Variants in ADAM10 observed in about 807,000 individuals in gnomAD.
ADAM10 encodes the protein ADAM metallopeptidase domain 10.
In ADAM10, 17 loss-of-function variants were observed where a neutral mutation model predicts 90.1. The ratio of observed to expected loss-of-function variants is 0.19; its 90% confidence interval spans 0.13 to 0.28. The LOEUF (loss-of-function observed/expected upper bound fraction) is 0.28, where lower values mean the gene tolerates loss of function less well. Among genes scored for constraint, ADAM10 ranks in the 10% least tolerant of loss-of-function variants. The pLI is 1.00. For synonymous variants in ADAM10, 310 were observed against 298.6 expected, an observed-to-expected ratio of 1.04 and a Z score of -0.40; for missense variants, 610 against 914.3, an observed-to-expected ratio of 0.67 and a Z score of 4.29.
chr15:58,701,014 C>CAAAAAAAAA (rs1257060994), intron 2 of ADAM10, among the ~76,000 whole-genome samples: 4 of 44,922 alleles, frequency 8.9e-5, no homozygotes, highest in Non-Finnish European at 2.4e-4. Flanking sequence ...TAAAAAAAAA[C>CAAAAAAAAA]AAAAAAACAA....
At chr15:58,638,950 A>C (rs1282489882) in intron 8 of ADAM10, among the ~76,000 whole-genome samples, 4 of 152,236 alleles carry the variant, frequency 2.6e-5, no homozygotes, top group Non-Finnish European at 5.9e-5. Flanking sequence ...CTTACTTTTT[A>C]CAACAAAATG....
chr15:58,743,200 G>A (rs1489827734), intron 1 of ADAM10, among the ~76,000 whole-genome samples: 3 of 151,910 alleles, frequency 2.0e-5, no homozygotes, highest in Admixed American at 6.6e-5. Flanking sequence ...CTTCGGTGGC[G>A]GGGGGCGGGG....
chr15:58,619,770 G>A (rs984385427), intron 11 of ADAM10, among the ~76,000 whole-genome samples: 1 of 152,192 alleles, frequency 6.6e-6, no homozygotes, highest in East Asian at 1.9e-4. Flanking sequence ...CAGGCGTGGT[G>A]GCGGGCGCCT....
intron 2 of ADAM10, among the ~76,000 whole-genome samples, chr15:58,691,923 G>A (rs1195898829): frequency 2.6e-5 from 4 of 151,876 alleles, no homozygotes; most frequent in African/African-American, 9.7e-5. Flanking sequence ...TGATCTGCCC[G>A]CCTCAGCCTC....
In ADAM10 at chr15:58,749,689, C is replaced by T. The variant is rs1899919095; in HGVS notation, c.-155G>A. On this transcript the variant is annotated 5_prime_UTR_variant, in exon 1 of 16. Coordinates refer to ENST00000260408, the MANE Select transcript of ADAM10 (RefSeq NM_001110.4). ...ACGGCGAAGCACCTCCCTCTCGCTC[C>T]ACTTCAGGGGCCGGCAACGCTCCTA... The T allele has an allele frequency of 1.4e-6, 2 of 1,442,646 alleles. No homozygotes were observed. Among genetic ancestry groups the T allele is most frequent in the African/African-American group, 1.4e-5 (1 of 69,078 alleles). The allele number at this position is 1,442,646 out of a possible 1,614,324, so 89.4% of individuals were successfully genotyped here.
rs1894858076 is a variant in ADAM10, at chr15:58,593,026, AGAG to A, written c.*4518_*4520del. 1 of 150,554 alleles carries A rather than the reference AGAG, an allele frequency of 6.6e-6. No individual in the cohort carries two copies. The highest frequency in any genetic ancestry group is 2.1e-4 in the South Asian group (1 of 4,818). 9.3% of individuals were successfully genotyped at this position (150,554 alleles called of 1,614,324 possible). A position where few individuals can be genotyped will look rare whatever the true frequency, so the allele number is the denominator to read the frequency against. On this transcript the variant is annotated 3_prime_UTR_variant, in exon 16 of 16. Coordinates refer to ENST00000260408, the MANE Select transcript of ADAM10 (RefSeq NM_001110.4). Reference sequence around the variant, plus strand: ...AAAACATACATCCACAGAAATATTTAGAGTAGTTAATGTGATATACATTATCAA... The same window carrying A: ...AAAACATACATCCACAGAAATATTTATAGTTAATGTGATATACATTATCAA...
chr15:58,728,955 G>C (rs1306844510), intron 1 of ADAM10, among the ~76,000 whole-genome samples: 3 of 152,126 alleles, frequency 2.0e-5, no homozygotes, highest in Non-Finnish European at 4.4e-5. Flanking sequence ...AAGAACATTG[G>C]GGGAAACCAA....
intron 2 of ADAM10, among the ~76,000 whole-genome samples, chr15:58,701,371 A>G (rs1243305586): frequency 6.6e-6 from 1 of 152,230 alleles, no homozygotes; most frequent in Admixed American, 6.5e-5. Flanking sequence ...GAAATGGCCA[A>G]AAGGTATAAA....
At chr15:58,628,004 G>C (rs1410183015) in intron 9 of ADAM10, 121 bp from the exon 10 acceptor site, 2 of 988,916 alleles carry the variant, frequency 2.0e-6, no homozygotes, top group South Asian at 1.5e-5. Context: ...CCTTTAAAAA[G>C]GATCTTACAA....
At chr15:58,640,473 T>C (rs1896387603) in intron 8 of ADAM10, among the ~76,000 whole-genome samples, 1 of 152,172 alleles carries the variant, frequency 6.6e-6, no homozygotes, top group Non-Finnish European at 1.5e-5. Context: ...TTAACTTTTG[T>C]GGAAAAATTA....
At chr15:58,735,621 GAAT>G (rs1899406512) in intron 1 of ADAM10, among the ~76,000 whole-genome samples, 1 of 152,146 alleles carries the variant, frequency 6.6e-6, no homozygotes, top group South Asian at 2.1e-4. Flanking sequence ...GTTGTGTAGG[GAAT>G]AATAACAAGA....
chr15:58,616,037 AG>A lies in ADAM10; in HGVS notation c.1512-4047del, dbSNP rs201061585. Among the ~76,000 whole-genome samples the A allele has an allele frequency of 4.9e-3, 739 of 152,274 alleles. 6 individuals carry two copies. The highest frequency in any genetic ancestry group is 8.3e-3 in the Non-Finnish European group (561 of 68,000). On this transcript the variant is annotated intron_variant, in intron 11 of 15. Coordinates refer to ENST00000260408, the MANE Select transcript of ADAM10 (RefSeq NM_001110.4). ...AAAAAACTGTGAAAAGAGACAAAAA[AG>A]ATCACTATATAGTGATAAAATGTTC...
intron 3 of ADAM10, among the ~76,000 whole-genome samples, chr15:58,680,375 G>T (rs1391729746): frequency 1.3e-5 from 2 of 152,070 alleles, no homozygotes; most frequent in African/African-American, 4.8e-5. Flanking sequence ...CACCTGCCTC[G>T]GCCTCCTAAA....
chr15:58,713,470 C>A (rs566236222), intron 2 of ADAM10, among the ~76,000 whole-genome samples: 1 of 152,266 alleles, frequency 6.6e-6, no homozygotes, highest in South Asian at 2.1e-4. Context: ...AAGATTCACA[C>A]TCTGCACTTC....
chr15:58,684,893 C>A (rs536168364), intron 2 of ADAM10, among the ~76,000 whole-genome samples: 4 of 152,228 alleles, frequency 2.6e-5, no homozygotes, highest in African/African-American at 7.2e-5. Flanking sequence ...ACTGTGAGAA[C>A]TGAATTACGC....
Position 58,749,582 on chromosome 15 carries a change from A to G in ADAM10, c.-48T>C. ...CGCCGCCTCCTCACGGGTTAACAGC[A>G]GCACATCGATCCGGAGGGAGAAGCT... On this transcript the variant is annotated 5_prime_UTR_variant, in exon 1 of 16. Coordinates refer to ENST00000260408, the MANE Select transcript of ADAM10 (RefSeq NM_001110.4). 6.5e-7 allele frequency: 1 copy of G among 1,548,280 alleles called. No homozygotes were observed. The highest frequency in any genetic ancestry group is 8.7e-7 in the Non-Finnish European group (1 of 1,145,306).
intron 4 of ADAM10, among the ~76,000 whole-genome samples, chr15:58,673,489 G>GTA (rs1897244528): frequency 6.8e-6 from 1 of 147,616 alleles, no homozygotes; most frequent in Non-Finnish European, 1.5e-5. Context: ...ATAATTCATT[G>GTA]TATTTCATTA....
chr15:58,621,581 T>C lies in ADAM10; in HGVS notation c.1401A>G (p.Gln467=). 1 of 1,614,140 alleles carries C rather than the reference T, an allele frequency of 6.2e-7. No individual in the cohort carries two copies. The highest frequency in any genetic ancestry group is 1.1e-5 in the South Asian group (1 of 91,084). Residue 467 remains glutamine, a synonymous_variant, in exon 11 of 16, where the codon CAA becomes CAG. Transcript: ENST00000260408. ...QPICGNGMVE[Q]GEECDCGYSD... ...TATAGCCACAATCACATTCTTCACC[T>C]TGTTCTACCATTCCATTTCCACAAA...
At chr15:58,683,719 G>A (rs1430309238) in intron 2 of ADAM10, among the ~76,000 whole-genome samples, 1 of 152,052 alleles carries the variant, frequency 6.6e-6, no homozygotes, top group East Asian at 1.9e-4. Context: ...AACTAGCCAG[G>A]CATGGTGGCT....
Sources: gnomAD v4.1 joint callset for allele counts (sites outside exome capture counted in the v4.1 genomes callset) on GRCh38, gnomAD v4.1.1 for gene constraint, MANE v1.5 for transcripts, NCBI Gene and HGNC (gene_info 2026-07-23, HGNC 2026-07-21) for gene names.